The following RUVBL1 variants were observed in gnomAD, a reference collection of about 807,000 sequenced individuals.
RUVBL1 encodes ruvB-like 1.
RUVBL1 carries 4 observed loss-of-function variants against 52.4 expected under a neutral mutation model. The ratio of observed to expected loss-of-function variants is 0.08; its 90% CI spans 0.04 to 0.17. The LOEUF (loss-of-function observed/expected upper bound fraction) is 0.17. Among genes scored for constraint, RUVBL1 ranks in the 10% least tolerant of loss-of-function variants. RUVBL1 has a pLI of 1.00. For synonymous variants in RUVBL1, 217 were observed against 214.4 expected (o/e 1.01, Z -0.10); for missense variants, 298 against 572.8 (o/e 0.52, Z 4.90).
exon 1 of RUVBL1, chr3:128,153,325 C>G (rs2107746554): frequency 7.3e-7 from 1 of 1,372,088 alleles, no homozygotes; most frequent in South Asian, 1.7e-5. Flanking sequence ...AGTTCCTAGA[C>G]CACCCACTCG....
chr3:128,106,700 T>C (rs1004252387), intron 3 of RUVBL1, among the ~76,000 whole-genome samples: 1 of 152,222 alleles, frequency 6.6e-6, no homozygotes, highest in African/African-American at 2.4e-5. Flanking sequence ...CTACTAATAA[T>C]ACCCAAGAAA....
chr3:128,100,484 A>G, intron 6 of RUVBL1, 111 bp downstream of exon 6: 1 of 1,314,492 alleles, frequency 7.6e-7, no homozygotes, highest in Admixed American at 2.7e-5. Context: ...ACAGATAGAA[A>G]AGGACCGTCT....
exon 10 of RUVBL1, chr3:128,065,099 G>T (rs753773740): frequency 6.5e-7 from 1 of 1,534,080 alleles, no homozygotes; most frequent in Non-Finnish European, 9.0e-7. Flanking sequence ...AGAATGCCTT[G>T]TGTGCAGTCC....
rs1411456469 is a variant in RUVBL1, at chr3:128,082,233, G to A, written c.1211+250C>T. 7 of 475,104 alleles carry A rather than the reference G, an allele frequency of 1.5e-5. No homozygotes were observed. Among genetic ancestry groups the A allele is most frequent in the Non-Finnish European group, 2.7e-5 (7 of 263,426 alleles). The allele number at this position is 475,104 out of a possible 1,614,324, so 29.4% of individuals were successfully genotyped here. A position where few individuals can be genotyped will look rare whatever the true frequency, so the allele number is the denominator to read the frequency against. ...TGCCACAAGAAGGCCCAGGGTCAAA[G>A]CACTCTCCACCAGAGGGGAGCATCT... On this transcript the variant is annotated intron_variant, in intron 10 of 10. Coordinates refer to ENST00000322623, the MANE Select transcript of RUVBL1 (RefSeq NM_003707.3). The surrounding 1 kb of genome is among the most constrained non-coding windows in gnomAD (Gnocchi z 4.7).
chr3:128,090,253 C>T (rs9821614), intron 8 of RUVBL1, among the ~76,000 whole-genome samples: 5 of 152,272 alleles, frequency 3.3e-5, no homozygotes, highest in Admixed American at 1.3e-4. Context: ...TAAAATCAGC[C>T]GGGCGCAGTG....
chr3:128,144,016 G>A (rs1042617526), intron 1 of RUVBL1, among the ~76,000 whole-genome samples: 9 of 152,168 alleles, frequency 5.9e-5, no homozygotes, highest in African/African-American at 2.2e-4. Context: ...ATTTGAACCC[G>A]CGTGGAGGAG....
chr3:128,113,736 A>T (rs1171705985), intron 2 of RUVBL1, among the ~76,000 whole-genome samples: 1 of 152,198 alleles, frequency 6.6e-6, no homozygotes, highest in Non-Finnish European at 1.5e-5. Context: ...ACAGATAGGA[A>T]GGGCCAACTT....
At chr3:128,110,156 C>T (rs1456124466) in intron 3 of RUVBL1, among the ~76,000 whole-genome samples, 1 of 152,110 alleles carries the variant, frequency 6.6e-6, no homozygotes. Context: ...TGTGGTGATG[C>T]ACACCTGCAG....
At chr3:128,073,914 ATGTT>A (rs1231885383) in intron 9 of RUVBL1, among the ~76,000 whole-genome samples, 1 of 152,260 alleles carries the variant, frequency 6.6e-6, no homozygotes, top group East Asian at 1.9e-4. Flanking sequence ...CATTCTTTAT[ATGTT>A]GAGTTAGAAG....
intron 1 of RUVBL1, among the ~76,000 whole-genome samples, chr3:128,149,152 T>C (rs941809866): frequency 6.6e-6 from 1 of 151,766 alleles, no homozygotes; most frequent in African/African-American, 2.4e-5. Context: ...TAGCTTTGTA[T>C]CTGATATAAT....
intron 7 of RUVBL1, among the ~76,000 whole-genome samples, chr3:128,098,437 G>T (rs1443288492): frequency 6.6e-6 from 1 of 152,216 alleles, no homozygotes; most frequent in African/African-American, 2.4e-5. Flanking sequence ...GGAAAGCTGG[G>T]AAGAGCAGCA....
chr3:128,075,109 G>A (rs1942275631), intron 9 of RUVBL1: 1 of 152,192 alleles, frequency 6.6e-6, no homozygotes, highest in Non-Finnish European at 1.5e-5. Flanking sequence ...TGCAATACCA[G>A]GTGGATGCAT....
chr3:128,066,037 C>T (rs564524600), intron 9 of RUVBL1, among the ~76,000 whole-genome samples: 5 of 152,192 alleles, frequency 3.3e-5, no homozygotes, highest in African/African-American at 7.2e-5. Context: ...CCACCGCACC[C>T]GGCCTTAAGT....
chr3:128,067,254 A>G lies in RUVBL1; in HGVS notation c.940-2034T>C. On this transcript the variant is annotated intron_variant, in intron 9 of 9. Transcript: ENST00000464873. The surrounding 1 kb of genome is among the most constrained non-coding windows in gnomAD (Gnocchi z 4.1). ...GATATTTCATCCAAAGATATTTTCC[A>G]TTGTGCCTTTTACAAATTCAGCACA... is the stretch of plus-strand genomic sequence containing the variant. The G allele has an allele frequency of 7.4e-7, 1 of 1,350,120 alleles. No individual in the cohort carries two copies. Among genetic ancestry groups the G allele is most frequent in the African/African-American group, 1.4e-5 (1 of 69,044 alleles). The allele number at this position is 1,350,120 out of a possible 1,614,324, so 83.6% of individuals were successfully genotyped here.
intron 1 of RUVBL1, 101 bp from the exon 2 acceptor site, chr3:128,119,515 C>T (rs1943596846): frequency 2.2e-6 from 2 of 901,936 alleles, no homozygotes; most frequent in East Asian, 5.3e-5. Context: ...ACTCATCCAA[C>T]TAACACTGAG....
intron 2 of RUVBL1, among the ~76,000 whole-genome samples, chr3:128,117,724 T>C (rs1943559619): frequency 6.6e-6 from 1 of 151,900 alleles, no homozygotes; most frequent in Non-Finnish European, 1.5e-5. Flanking sequence ...GCGATTCTCC[T>C]AAGGCTGACA....
rs147779338 is a variant in RUVBL1, at chr3:128,106,954, C to T, written c.362-2030G>A. On this transcript the variant is annotated intron_variant, in intron 3 of 10. Transcript: ENST00000322623. ...TGGCAACATTCCCTTTTTTGATTAG[C>T]TGCTGGTTTCACGGGTTTTTACTTT... Among the ~76,000 whole-genome samples the T allele has an allele frequency of 4.3e-3, 648 of 152,278 alleles. 9 individuals are homozygous for T. Among genetic ancestry groups the T allele is most frequent in the African/African-American group, 0.015 (616 of 41,554 alleles).
At chr3:128,139,023 C>T (rs1231509057) in intron 1 of RUVBL1, among the ~76,000 whole-genome samples, 2 of 152,098 alleles carry the variant, frequency 1.3e-5, no homozygotes, top group African/African-American at 4.8e-5. Context: ...CCCTATCTCT[C>T]TCCATATACA....
intron 2 of RUVBL1, 66 bp from the exon 3 acceptor site, chr3:128,113,086 C>T: frequency 6.4e-7 from 1 of 1,565,862 alleles, no homozygotes. Flanking sequence ...GAAACACATG[C>T]TACAGAACCA....
Sources: gnomAD v4.1 joint callset for allele counts (sites outside exome capture counted in the v4.1 genomes callset) on GRCh38, gnomAD v4.1.1 for gene constraint, Gnocchi (gnomAD v3.1) non-coding constraint, MANE v1.5 for transcripts, NCBI Gene and HGNC (gene_info 2026-07-23, HGNC 2026-07-21) for gene names.